NAALADL2: variants seen among roughly 807,000 people sequenced by gnomAD.
NAALADL2 encodes inactive N-acetylated-alpha-linked acidic dipeptidase-like protein 2.
NAALADL2 carries 76 observed loss-of-function variants against 87.2 expected under a neutral mutation model. The observed-to-expected ratio is 0.87, with a 90% CI of 0.72 to 1.05. The LOEUF is 1.05. Ranked by LOEUF, NAALADL2 falls within the 50% of genes least tolerant of loss-of-function variation. NAALADL2 has a pLI of 0.00. For synonymous variants in NAALADL2, 354 were observed against 331.0 expected (o/e 1.07, Z -0.75); for missense variants, 1,089 against 945.8 (o/e 1.15, Z -1.99).
intron 1 of NAALADL2, among the ~76,000 whole-genome samples, chr3:174,443,766 G>A (rs948899952): frequency 6.6e-6 from 1 of 151,878 alleles, no homozygotes; most frequent in Non-Finnish European, 1.5e-5. Flanking sequence ...CTGAAAAAGA[G>A]CTGCATTCCA....
intron 9 of NAALADL2, among the ~76,000 whole-genome samples, chr3:175,497,491 A>G (rs1018171823): frequency 6.6e-6 from 1 of 152,190 alleles, no homozygotes; most frequent in African/African-American, 2.4e-5. Context: ...ATTCATATAA[A>G]ATTTCAATTT....
At chr3:174,840,330 A>T (rs1383127238) in intron 3 of NAALADL2, among the ~76,000 whole-genome samples, 1 of 151,978 alleles carries the variant, frequency 6.6e-6, no homozygotes, top group African/African-American at 2.4e-5. Context: ...AACACTTATG[A>T]ATCCGGCATA....
At chr3:174,774,030 C>T (rs1714901990) in intron 3 of NAALADL2, among the ~76,000 whole-genome samples, 1 of 152,124 alleles carries the variant, frequency 6.6e-6, no homozygotes, top group African/African-American at 2.4e-5. Context: ...ATTGGGTACA[C>T]TTATGAGTTA....
At position 174,731,013 on chromosome 3, in the gene NAALADL2, T is replaced by C. The variant is rs569267180; in HGVS notation, c.-114-6628T>C. Among the ~76,000 whole-genome samples the C allele has an allele frequency of 1.8e-4, 27 of 152,094 alleles. 1 individual carries two copies. The highest frequency in any genetic ancestry group is 6.0e-4 in the African/African-American group (25 of 41,506). On this transcript the variant is annotated intron_variant, in intron 2 of 3. Transcript: ENST00000434257. ...AATTATAAATTTTTTTCATAGGGAG[T>C]GCTAGCTAATTATTACCATGCACAA...
intron 2 of NAALADL2, among the ~76,000 whole-genome samples, chr3:174,603,375 A>T (rs1460450748): frequency 6.6e-6 from 1 of 151,596 alleles, no homozygotes; most frequent in East Asian, 1.9e-4. Flanking sequence ...TTTTCTGTAT[A>T]TTTTTCAATT....
chr3:175,476,626 C>T (rs1470098678), intron 9 of NAALADL2, among the ~76,000 whole-genome samples: 1 of 152,070 alleles, frequency 6.6e-6, no homozygotes, highest in Non-Finnish European at 1.5e-5. Context: ...TGCTCATTCC[C>T]ATTTTCTTGC....
At chr3:174,574,290 G>A (rs2108543049) in intron 2 of NAALADL2, among the ~76,000 whole-genome samples, 1 of 152,056 alleles carries the variant, frequency 6.6e-6, no homozygotes, top group South Asian at 2.1e-4. Context: ...CATAATGTGT[G>A]TTGAAACTTT....
At chr3:175,470,386 G>T (rs894636032) in intron 8 of NAALADL2, among the ~76,000 whole-genome samples, 1 of 151,656 alleles carries the variant, frequency 6.6e-6, no homozygotes, top group Non-Finnish European at 1.5e-5. Flanking sequence ...ACATATTTGG[G>T]GTGATGAATA....
intron 2 of NAALADL2, among the ~76,000 whole-genome samples, chr3:174,674,816 A>C (rs1726895432): frequency 6.6e-6 from 1 of 151,998 alleles, no homozygotes; most frequent in Non-Finnish European, 1.5e-5. Context: ...ACCTTCATAA[A>C]ATGCTTAAAT....
At chr3:175,042,734 C>T (rs961506952) in intron 1 of NAALADL2, among the ~76,000 whole-genome samples, 2 of 152,122 alleles carry the variant, frequency 1.3e-5, no homozygotes, top group African/African-American at 2.4e-5. Context: ...TGTATGTCTT[C>T]TTTTGAAAAA....
chr3:175,324,457 C>A (rs1760433678), intron 5 of NAALADL2, 132 bp downstream of exon 5: 3 of 713,372 alleles, frequency 4.2e-6, no homozygotes, highest in African/African-American at 3.7e-5. Context: ...TTTTAAAAAG[C>A]AATTTATTTT....
intron 3 of NAALADL2, among the ~76,000 whole-genome samples, chr3:174,773,215 C>A (rs931553938): frequency 6.6e-6 from 1 of 152,002 alleles, no homozygotes; most frequent in African/African-American, 2.4e-5. Flanking sequence ...GGCTCTCAGG[C>A]CTGTTAAAGT....
At chr3:175,315,256 A>G (rs1758989799) in intron 4 of NAALADL2, among the ~76,000 whole-genome samples, 1 of 152,150 alleles carries the variant, frequency 6.6e-6, no homozygotes, top group Non-Finnish European at 1.5e-5. Flanking sequence ...GTTAGCACCC[A>G]TGAAAACTTG....
At chr3:175,016,278 A>AAAT (rs1750799707) in intron 1 of NAALADL2, among the ~76,000 whole-genome samples, 1 of 144,842 alleles carries the variant, frequency 6.9e-6, no homozygotes, top group South Asian at 2.1e-4. Flanking sequence ...TATATATATA[A>AAAT]AAAACAATAG....
intron 1 of NAALADL2, among the ~76,000 whole-genome samples, chr3:174,907,302 C>A (rs1300877198): frequency 1.3e-5 from 2 of 151,982 alleles, no homozygotes; most frequent in South Asian, 2.1e-4. Context: ...CAGCAAATTA[C>A]CCAAGATGGA....
intron 1 of NAALADL2, among the ~76,000 whole-genome samples, chr3:174,981,255 G>A (rs922627798): frequency 5.3e-5 from 8 of 152,088 alleles, no homozygotes; most frequent in African/African-American, 1.2e-4. Flanking sequence ...TAATTCAGAA[G>A]TCAGAAGAGA....
upstream of NAALADL2, among the ~76,000 whole-genome samples, chr3:174,857,434 C>A (rs1398210759): frequency 2.6e-5 from 4 of 152,138 alleles, no homozygotes; most frequent in Non-Finnish European, 5.9e-5. Context: ...ATTCCACTTT[C>A]ATCGTAATTT....
chr3:174,528,502 C>T (rs1303167763), intron 1 of NAALADL2, among the ~76,000 whole-genome samples: 1 of 152,106 alleles, frequency 6.6e-6, no homozygotes, highest in Non-Finnish European at 1.5e-5. Flanking sequence ...ACGGCATGCA[C>T]TTGTAGTCCC....
Position 175,735,098 on chromosome 3 carries a change from A to T in NAALADL2, c.1897-2208A>T, listed in dbSNP as rs114171858. On this transcript the variant is annotated intron_variant, in intron 11 of 13. Transcript: ENST00000454872. ...GCTACTTAGAAATTTCTTCTACCAG[A>T]TACCTTAAATCATCTCTCTCAAGTT... 8.7e-3 allele frequency among the ~76,000 whole-genome samples: 1,322 copies of T among 152,262 alleles called. 23 individuals carry two copies. Among genetic ancestry groups the T allele is most frequent in the African/African-American group, 0.031 (1,270 of 41,546 alleles).
Sources: gnomAD v4.1 joint callset for allele counts (sites outside exome capture counted in the v4.1 genomes callset) on GRCh38, gnomAD v4.1.1 for gene constraint, MANE v1.5 for transcripts, NCBI Gene and HGNC (gene_info 2026-07-23, HGNC 2026-07-21) for gene names.